The following NCOR1 variants were observed in gnomAD, a reference collection of about 807,000 sequenced individuals.
The protein encoded by NCOR1 is protein phosphatase 1, regulatory subunit 109.
NCOR1 carries 63 observed loss-of-function variants against 288.1 expected under a neutral mutation model. The observed-to-expected ratio is 0.22, with a 90% confidence interval of 0.18 to 0.27. NCOR1 has a LOEUF of 0.27. Ranked by LOEUF, NCOR1 falls within the 10% of genes least tolerant of loss-of-function variation. The probability of loss-of-function intolerance (pLI) is 1.00; values close to 1 mark genes in which losing one functional copy is unlikely to be tolerated. For synonymous variants in NCOR1, 1,007 were observed against 1,065.9 expected, an observed-to-expected ratio of 0.94 and a Z score of 1.08; for missense variants, 2,397 against 3,019.2, an observed-to-expected ratio of 0.79 and a Z score of 4.83.
Position 16,068,060 on chromosome 17 carries a change from C to T in NCOR1, c.4575G>A (p.Gln1525=). The change falls in exon 32 of 46, where the codon CAG becomes CAA. Residue 1525 remains glutamine (Q), a synonymous_variant. Coordinates refer to ENST00000268712, the MANE Select transcript of NCOR1 (RefSeq NM_006311.4). ...GAGACTTCGCTGGGATACTTTCCCT[C>T]TGGGTAGGGGTCAGTGTCGATTTCC... ...HERKSTLTPT[Q]RESIPAKSPV... is the part of the protein sequence containing the mutation. 1 of 1,614,146 alleles carries T rather than the reference C, an allele frequency of 6.2e-7. No homozygotes were observed. Among genetic ancestry groups the T allele is most frequent in the African/African-American group, 1.3e-5 (1 of 75,016 alleles).
chr17:16,152,619 T>C (rs1027285337), intron 7 of NCOR1, among the ~76,000 whole-genome samples: 7 of 152,238 alleles, frequency 4.6e-5, no homozygotes, highest in African/African-American at 7.2e-5. Context: ...AACATACGTG[T>C]GCATGTGTCT....
rs1257910022 is a variant in NCOR1 at position 16,127,282 on chromosome 17, CGTGT to C, written c.1510-1080_1510-1077del. On this transcript the variant is annotated intron_variant, in intron 14 of 45. Coordinates refer to ENST00000268712, the MANE Select transcript of NCOR1 (RefSeq NM_006311.4). ...GTGTGTATATATGTATGTATATATACGTGTATATATGTATGTATGTATATATACA... is the reference window on the plus strand; with the variant it reads ...GTGTGTATATATGTATGTATATATACATATATGTATGTATGTATATATACA... Among the ~76,000 whole-genome samples, 18 of 25,410 alleles carry C rather than the reference CGTGT, an allele frequency of 7.1e-4. 5 individuals are homozygous for C. Among genetic ancestry groups the C allele is most frequent in the African/African-American group, 2.1e-3 (16 of 7,696 alleles). 16.7% of individuals were successfully genotyped at this position (25,410 alleles called of 152,430 possible).
chr17:16,044,545 C>T (rs754816227), intron 42 of NCOR1: 3 of 499,010 alleles, frequency 6.0e-6, no homozygotes, highest in Non-Finnish European at 1.2e-5. Flanking sequence ...GCTAAGGCCA[C>T]GTTGGGATGA....
chr17:16,182,260 T>C (rs1371095355), intron 3 of NCOR1, among the ~76,000 whole-genome samples: 1 of 152,156 alleles, frequency 6.6e-6, no homozygotes, highest in African/African-American at 2.4e-5. Flanking sequence ...AGTCCTTTCT[T>C]ATTAAAAGGT....
chr17:16,130,344 T>C (rs918352449), intron 14 of NCOR1, among the ~76,000 whole-genome samples: 12 of 152,222 alleles, frequency 7.9e-5, no homozygotes, highest in Admixed American at 4.6e-4. Flanking sequence ...TCAATCCACA[T>C]GGTCTAGGAT....
intron 1 of NCOR1, among the ~76,000 whole-genome samples, chr17:16,203,635 TTC>T (rs1021997247): frequency 1.3e-5 from 2 of 152,240 alleles, no homozygotes; most frequent in African/African-American, 2.4e-5. Context: ...TTTAAGTATA[TTC>T]TGTCTTCCCT....
At chr17:16,109,385 A>C (rs1289818681) in intron 18 of NCOR1, among the ~76,000 whole-genome samples, 3 of 152,128 alleles carry the variant, frequency 2.0e-5, no homozygotes, top group Non-Finnish European at 4.4e-5. Flanking sequence ...AGAGGCATAT[A>C]CATGAATATA....
At chr17:16,116,752 GA>G (rs2071682044) in intron 18 of NCOR1, among the ~76,000 whole-genome samples, 1 of 152,098 alleles carries the variant, frequency 6.6e-6, no homozygotes. Context: ...TACATGACAC[GA>G]AGTATAAAAA....
intron 16 of NCOR1, among the ~76,000 whole-genome samples, chr17:16,120,662 G>C (rs2072811709): frequency 6.6e-6 from 1 of 151,976 alleles, no homozygotes; most frequent in Non-Finnish European, 1.5e-5. Flanking sequence ...TGTGAATAAA[G>C]ATTTTTTTAT....
At chr17:16,152,568 G>A (rs932604519) in intron 7 of NCOR1, among the ~76,000 whole-genome samples, 1 of 152,146 alleles carries the variant, frequency 6.6e-6, no homozygotes, top group Middle Eastern at 3.2e-3. Context: ...GGACATTTGG[G>A]TTGGTTCCCA....
Position 16,029,463 on chromosome 17 carries a change from C to A in NCOR1, c.*2833G>T. On this transcript the variant is annotated 3_prime_UTR_variant, in exon 46 of 46. Transcript: ENST00000268712. ...TTTTAAAATAGAATCACTCAGTGTA[C>A]CAAAATTAAAAGCATTATGAAATTT... 4 of 272,826 alleles carry A rather than the reference C, an allele frequency of 1.5e-5. No individual in the cohort carries two copies. The highest frequency in any genetic ancestry group is 2.9e-5 in the Non-Finnish European group (4 of 137,872). The allele number at this position is 272,826 out of a possible 1,614,324, so 16.9% of individuals were successfully genotyped here.
intron 21 of NCOR1, 60 bp from the exon 22 acceptor site, chr17:16,092,118 A>G: frequency 6.4e-7 from 1 of 1,563,264 alleles, no homozygotes; most frequent in East Asian, 2.2e-5. Context: ...GCCATCTCTT[A>G]ACAAGTAATG....
intron 23 of NCOR1, among the ~76,000 whole-genome samples, 168 bp downstream of exon 23, chr17:16,086,114 G>A (rs1263512843): frequency 6.6e-6 from 1 of 152,154 alleles, no homozygotes; most frequent in Non-Finnish European, 1.5e-5. Flanking sequence ...TCTGATTTGT[G>A]GCAAGAGTAC....
intron 12 of NCOR1, among the ~76,000 whole-genome samples, chr17:16,138,593 CAG>C (rs1408839953): frequency 6.6e-6 from 1 of 152,124 alleles, no homozygotes; most frequent in Non-Finnish European, 1.5e-5. Flanking sequence ...TCAAAAAAAA[CAG>C]AAGAGAAATA....
intron 1 of NCOR1, 80 bp from the exon 2 acceptor site, chr17:16,194,719 C>A: frequency 2.2e-6 from 1 of 455,552 alleles, no homozygotes; most frequent in Non-Finnish European, 3.9e-6. Flanking sequence ...ACTATAGCTA[C>A]ATAAATAAAA....
rs2060859594 is a variant in NCOR1 at position 16,064,191 on chromosome 17, T to C, written c.5102-4A>G. 2 of 1,612,230 alleles carry C rather than the reference T, an allele frequency of 1.2e-6. No individual in the cohort carries two copies. The highest frequency in any genetic ancestry group is 2.7e-5 in the African/African-American group (2 of 74,936). On this transcript the variant is annotated splice_region_variant and splice_polypyrimidine_tract_variant and intron_variant, in intron 34 of 45. Transcript: ENST00000268712. ...GCTGCAAGGTGTGTTGGGTGTCCTG[T>C]AAAACATAAACCTGCAGCTTAAAGA...
At chr17:16,197,761 G>A (rs1009695472) in intron 1 of NCOR1, among the ~76,000 whole-genome samples, 1 of 152,126 alleles carries the variant, frequency 6.6e-6, no homozygotes, top group Admixed American at 6.6e-5. Context: ...CCATACACCT[G>A]CAACTGCTCC....
In NCOR1 at chr17:16,058,569, T is replaced by C; in HGVS notation, c.5912A>G (p.Asp1971Gly). Residue 1971 changes from aspartate to glycine, a missense_variant, in exon 38 of 46, where the codon GAT becomes GGT. Coordinates refer to ENST00000268712, the MANE Select transcript of NCOR1 (RefSeq NM_006311.4). ...LSSHRYETPS[D>G]AIEVISPASS... ...GGCAGGACTTATCACCTCAATAGCA[T>C]CGCTAGGTGTTTCATACCTGTGAGA... is the stretch of plus-strand genomic sequence containing the variant. The C allele has an allele frequency of 6.2e-7, 1 of 1,612,510 alleles. No homozygotes were observed. Among genetic ancestry groups the C allele is most frequent in the Non-Finnish European group, 8.5e-7 (1 of 1,179,072 alleles).
Position 16,057,589 on chromosome 17 carries a change from T to G in NCOR1, c.6317A>C (p.Gln2106Pro), listed in dbSNP as rs1219670899. Reference protein sequence around the residue: ...KTSNRYSPESQAQSVHHQRPG... With the variant: ...KTSNRYSPESPAQSVHHQRPG... ...TCTTTGATGATGGACAGACTGAGCC[T>G]GGGATTCTGGGCTGTAACGGTTTGA... The change falls in exon 40 of 46, where the codon CAG (glutamine) becomes CCG (proline). Residue 2106 changes from glutamine (Q) to proline (P), a missense_variant. Gln to Pro is a moderately conservative substitution (Grantham distance 76). Around this residue, in one of 11 missense-constraint regions of NCOR1, gnomAD observed 1,872 missense variants for 2,187.8 expected, o/e 0.86. Transcript: ENST00000268712. The G allele has an allele frequency of 4.3e-6, 7 of 1,614,176 alleles. No homozygotes were observed. Among genetic ancestry groups the G allele is most frequent in the Non-Finnish European group, 5.9e-6 (7 of 1,180,016 alleles).
Sources: gnomAD v4.1 joint callset for allele counts (sites outside exome capture counted in the v4.1 genomes callset) on GRCh38, gnomAD v4.1.1 for gene constraint, gnomAD v4.1.1 regional missense constraint, MANE v1.5 for transcripts, NCBI Gene and HGNC (gene_info 2026-07-23, HGNC 2026-07-21) for gene names.